Variants in BNC2 observed in about 807,000 individuals in gnomAD.
The protein encoded by BNC2 is zinc finger protein basonuclin-2.
In BNC2, 20 loss-of-function variants were observed where a neutral mutation model predicts 76.3. The ratio of observed to expected loss-of-function variants is 0.26; its 90% CI spans 0.18 to 0.38. BNC2 has a LOEUF of 0.38. BNC2 is among the 10% of genes least tolerant of loss of function. The probability of loss-of-function intolerance (pLI) is 1.00; values close to 1 mark genes in which losing one functional copy is unlikely to be tolerated. For synonymous variants in BNC2, 582 were observed against 514.8 expected (o/e 1.13, Z -1.77); for missense variants, 1,382 against 1,399.8 (o/e 0.99, Z 0.20).
intron 3 of BNC2, among the ~76,000 whole-genome samples, chr9:16,628,865 G>C (rs974441830): frequency 6.6e-6 from 1 of 152,128 alleles, no homozygotes; most frequent in African/African-American, 2.4e-5. Context: ...AACAGCATTG[G>C]TCTAGAAATT....
intron 5 of BNC2, among the ~76,000 whole-genome samples, chr9:16,512,412 C>T (rs963353493): frequency 6.6e-6 from 1 of 152,034 alleles, no homozygotes; most frequent in African/African-American, 2.4e-5. Flanking sequence ...TTTCTGCCTC[C>T]GTGGCATAAC....
rs77958560 is a variant in BNC2 at position 16,550,839 on chromosome 9, T to C, written c.669+1691A>G. On this transcript the variant is annotated intron_variant, in intron 5 of 6. Coordinates refer to ENST00000380672, the MANE Select transcript of BNC2 (RefSeq NM_017637.6). ...AAGGACTGTTAGCCAAGCTAACAGT[T>C]CCATACAAACAACTGTAAGAGGTTT... Among the ~76,000 whole-genome samples the C allele has an allele frequency of 3.0e-3, 460 of 152,270 alleles. 9 individuals carry two copies. The East Asian group carries it at 0.039, about 13-fold the overall frequency.
At chr9:16,455,362 T>G (rs1378412971) in intron 5 of BNC2, among the ~76,000 whole-genome samples, 2 of 152,180 alleles carry the variant, frequency 1.3e-5, no homozygotes, top group Non-Finnish European at 2.9e-5. Flanking sequence ...AGAGACTAAT[T>G]AATTTTGAAT....
rs546749247 is a variant in BNC2, at chr9:16,481,869, CAA to C, written c.670-44347_670-44346del. Among the ~76,000 whole-genome samples the C allele has an allele frequency of 9.9e-5, 15 of 152,258 alleles. No individual in the cohort carries two copies. In the South Asian group the frequency reaches 1.2e-3, roughly 13 times the overall value. On this transcript the variant is annotated intron_variant, in intron 5 of 6. Coordinates refer to ENST00000380672, the MANE Select transcript of BNC2 (RefSeq NM_017637.6). ...TGCAAAGAATATGTGTGATCTTAGA[CAA>C]GATAATTAATTTCTCTGAACCTACA...
intron 3 of BNC2, among the ~76,000 whole-genome samples, chr9:16,606,209 A>G (rs995859394): frequency 1.3e-5 from 2 of 152,222 alleles, no homozygotes. Context: ...TAATTCAAAC[A>G]TGTATAAAAG....
chr9:16,841,114 G>T (rs560181176), intron 1 of BNC2, among the ~76,000 whole-genome samples: 74 of 152,110 alleles, frequency 4.9e-4, no homozygotes, highest in African/African-American at 1.7e-3. Context: ...CAAATTAATG[G>T]GCAAAAGAGT....
chr9:16,776,234 G>A (rs887671384), intron 1 of BNC2, among the ~76,000 whole-genome samples: 3 of 152,076 alleles, frequency 2.0e-5, no homozygotes, highest in Admixed American at 1.3e-4. Context: ...TTCGCCTCCT[G>A]GGTTCAAGCG....
chr9:16,516,126 C>T (rs1344697633), intron 5 of BNC2, among the ~76,000 whole-genome samples: 1 of 152,140 alleles, frequency 6.6e-6, no homozygotes, highest in Non-Finnish European at 1.5e-5. Context: ...TCTTGCCTTT[C>T]GGGTGGCCTG....
chr9:16,685,706 G>T, intron 3 of BNC2: 1 of 1,020,634 alleles, frequency 9.8e-7, no homozygotes, highest in Non-Finnish European at 1.4e-6. Flanking sequence ...GACCCAGGCA[G>T]AGAGAGGAAA....
intron 5 of BNC2, among the ~76,000 whole-genome samples, chr9:16,533,637 T>G (rs530744168): frequency 4.6e-5 from 7 of 152,190 alleles, no homozygotes; most frequent in Non-Finnish European, 1.0e-4. Context: ...TCTGCCTATT[T>G]GTATTTCATG....
At chr9:16,585,459 T>G (rs537473186) in intron 3 of BNC2, among the ~76,000 whole-genome samples, 1 of 152,312 alleles carries the variant, frequency 6.6e-6, no homozygotes, top group South Asian at 2.1e-4. Flanking sequence ...ATTTTGTATA[T>G]CTATGAATTC....
chr9:16,736,955 C>A (rs202163958), intron 2 of BNC2, among the ~76,000 whole-genome samples: 1 of 151,618 alleles, frequency 6.6e-6, no homozygotes, highest in African/African-American at 2.4e-5. Flanking sequence ...TACAGGCATG[C>A]ACCTCCATGC....
At chr9:16,462,488 G>A (rs1821604656) in intron 5 of BNC2, among the ~76,000 whole-genome samples, 1 of 152,034 alleles carries the variant, frequency 6.6e-6, no homozygotes, top group Admixed American at 6.6e-5. Context: ...ACTCCTGCTG[G>A]CAAAATGATT....
At chr9:16,859,318 T>C (rs1455744725) in intron 1 of BNC2, among the ~76,000 whole-genome samples, 2 of 152,206 alleles carry the variant, frequency 1.3e-5, no homozygotes, top group African/African-American at 4.8e-5. Context: ...TAAGAACTAC[T>C]GTATGATCCA....
At chr9:16,785,498 A>T (rs981774930) in intron 1 of BNC2, among the ~76,000 whole-genome samples, 1 of 150,906 alleles carries the variant, frequency 6.6e-6, no homozygotes, top group Admixed American at 6.6e-5. Context: ...AGGTTCAAGC[A>T]ATTCTCCTGC....
chr9:16,681,308 G>C (rs1211793833), intron 3 of BNC2, among the ~76,000 whole-genome samples: 1 of 152,146 alleles, frequency 6.6e-6, no homozygotes, highest in East Asian at 1.9e-4. Context: ...ACCTCATTCT[G>C]TTGTCTCCAA....
At chr9:16,506,766 G>A (rs1822638277) in intron 5 of BNC2, among the ~76,000 whole-genome samples, 1 of 150,486 alleles carries the variant, frequency 6.6e-6, no homozygotes, top group East Asian at 1.9e-4. Flanking sequence ...TTGTTTGTTT[G>A]TTTGTTTGGA....
At chr9:16,738,221 G>C (rs1213590074) in intron 2 of BNC2, 139 bp downstream of exon 2, 1 of 947,426 alleles carries the variant, frequency 1.1e-6, no homozygotes, top group African/African-American at 1.6e-5. Flanking sequence ...AAATACCTGA[G>C]TTTCATAGAA....
At chr9:16,810,689 A>G (rs984004191) in intron 1 of BNC2, among the ~76,000 whole-genome samples, 2 of 152,202 alleles carry the variant, frequency 1.3e-5, no homozygotes, top group Non-Finnish European at 2.9e-5. Context: ...TGCATCACAC[A>G]TAGTAAGGAT....
Sources: gnomAD v4.1 joint callset for allele counts (sites outside exome capture counted in the v4.1 genomes callset) on GRCh38, gnomAD v4.1.1 for gene constraint, MANE v1.5 for transcripts, NCBI Gene and HGNC (gene_info 2026-07-23, HGNC 2026-07-21) for gene names.